Variants in INSR observed in about 807,000 individuals in gnomAD.
INSR encodes the protein insulin receptor, also known as IR.
INSR carries 67 observed loss-of-function variants against 142.6 expected under a neutral mutation model. The observed-to-expected ratio is 0.47, with a 90% CI of 0.39 to 0.58. The LOEUF (loss-of-function observed/expected upper bound fraction) is 0.58, where lower values mean the gene tolerates loss of function less well. Ranked by LOEUF, INSR falls within the 20% of genes least tolerant of loss-of-function variation. INSR has a pLI of 0.00. For missense variants in INSR, 1,248 were observed against 1,833.2 expected (o/e 0.68, Z 5.83); for synonymous variants, 756 against 743.1 (o/e 1.02, Z -0.28).
At chr19:7,222,068 C>G (rs1975638724) in intron 2 of INSR, among the ~76,000 whole-genome samples, 1 of 146,524 alleles carries the variant, frequency 6.8e-6, no homozygotes, top group Non-Finnish European at 1.5e-5. Flanking sequence ...TTGGGAAAGG[C>G]TAAGTCAGAG....
chr19:7,125,384 G>A lies in INSR; in HGVS notation c.3157C>T (p.Arg1053Cys), dbSNP rs185736681. The A allele has an allele frequency of 1.5e-5, 24 of 1,614,062 alleles. No homozygotes were observed. Among genetic ancestry groups the A allele is most frequent in the African/African-American group, 2.7e-5 (2 of 75,020 alleles). ...RDIIKGEAET[R>C]VAVKTVNESA... ...TCGTTGACCGTCTTCACCGCCACGC[G>A]GGTCTCTGCCTCACCCTTGATGATG... is the stretch of plus-strand genomic sequence containing the variant. Residue 1053 changes from arginine to cysteine, a missense_variant, in exon 17 of 22, where the codon CGC becomes TGC. By Grantham distance (180) the Arg-to-Cys change is radical. Transcript: ENST00000302850. This position sits in a 1 kb window ranked among gnomAD's most constrained non-coding sequence, Gnocchi z 4.9.
chr19:7,151,636 G>A (rs943243678), intron 10 of INSR, among the ~76,000 whole-genome samples: 4 of 151,140 alleles, frequency 2.6e-5, no homozygotes, highest in East Asian at 1.9e-4. Context: ...AGCCTTGGCT[G>A]TCCCCCTGAA....
At chr19:7,292,329 A>G (rs1221062068) in intron 1 of INSR, among the ~76,000 whole-genome samples, 1 of 151,968 alleles carries the variant, frequency 6.6e-6, no homozygotes, top group Non-Finnish European at 1.5e-5. Flanking sequence ...TGACCTCGTG[A>G]TCCGCCCGCC....
At chr19:7,194,847 G>A (rs573634228) in intron 2 of INSR, among the ~76,000 whole-genome samples, 38 of 152,124 alleles carry the variant, frequency 2.5e-4, no homozygotes, top group South Asian at 2.5e-3. Context: ...CAAATTGTTA[G>A]CATTTCTCTT....
Position 7,267,912 on chromosome 19 carries a change from A to G in INSR, c.101-16T>C. ...CCGGGACACACTACAAGAGAAAATG[A>G]ACAGAAAGCAAGACAGGTGAGCAGA... is the stretch of plus-strand genomic sequence containing the variant. On this transcript the variant is annotated splice_polypyrimidine_tract_variant and intron_variant, in intron 1 of 21. Coordinates refer to ENST00000302850, the MANE Select transcript of INSR (RefSeq NM_000208.4). This position sits in a 1 kb window ranked among gnomAD's most constrained non-coding sequence, Gnocchi z 6.3. 3 of 1,609,644 alleles carry G rather than the reference A, an allele frequency of 1.9e-6. No individual in the cohort carries two copies. Among genetic ancestry groups the G allele is most frequent in the Non-Finnish European group, 2.5e-6 (3 of 1,177,310 alleles).
At chr19:7,195,919 T>TAGAC (rs1370305013) in intron 2 of INSR, among the ~76,000 whole-genome samples, 13 of 90,644 alleles carry the variant, frequency 1.4e-4, no homozygotes, top group African/African-American at 5.8e-4. Context: ...GAGAACTTTC[T>TAGAC]TTCTTTTCTT....
chr19:7,237,642 C>G (rs949891277), intron 2 of INSR, among the ~76,000 whole-genome samples: 5 of 151,890 alleles, frequency 3.3e-5, no homozygotes, highest in African/African-American at 1.2e-4. Context: ...GGTGAAATCC[C>G]GTCTCTATTT....
At chr19:7,281,308 C>A (rs1253480393) in intron 1 of INSR, among the ~76,000 whole-genome samples, 1 of 150,606 alleles carries the variant, frequency 6.6e-6, no homozygotes, top group Non-Finnish European at 1.5e-5. Flanking sequence ...CAAGATACAT[C>A]CTTGAGAGTA....
chr19:7,191,821 C>T (rs1387595776), intron 2 of INSR, among the ~76,000 whole-genome samples: 2 of 144,082 alleles, frequency 1.4e-5, no homozygotes, highest in Non-Finnish European at 3.0e-5. Context: ...AAAGCAAGAC[C>T]CTATCTTTAA....
intron 2 of INSR, among the ~76,000 whole-genome samples, chr19:7,257,403 C>T (rs552218539): frequency 6.4e-4 from 97 of 151,454 alleles, no homozygotes; most frequent in African/African-American, 2.3e-3. Context: ...GCTCCAAACA[C>T]GTCTAGAAGC....
chr19:7,174,524 C>T, intron 4 of INSR, 59 bp downstream of exon 4: 1 of 1,599,734 alleles, frequency 6.3e-7, no homozygotes, highest in African/African-American at 1.3e-5. Context: ...TCCCCGCTCA[C>T]AGCTCAGAGG....
At chr19:7,172,211 C>CA (rs869171538) in intron 5 of INSR, 79 bp downstream of exon 5, 3 of 1,558,810 alleles carry the variant, frequency 1.9e-6, no homozygotes, top group Non-Finnish European at 2.6e-6. Flanking sequence ...CACACCTGGC[C>CA]AAAAAAATCC....
At chr19:7,277,050 G>A (rs1259514868) in intron 1 of INSR, among the ~76,000 whole-genome samples, 1 of 152,044 alleles carries the variant, frequency 6.6e-6, no homozygotes, top group African/African-American at 2.4e-5. Flanking sequence ...TTTAAATGAT[G>A]ACAACAGCAT....
At chr19:7,128,251 C>T (rs1337532478) in intron 15 of INSR, among the ~76,000 whole-genome samples, 2 of 149,910 alleles carry the variant, frequency 1.3e-5, no homozygotes, top group Non-Finnish European at 3.0e-5. Flanking sequence ...CTCCCTCTGT[C>T]GCCCAGGCTA....
intron 2 of INSR, among the ~76,000 whole-genome samples, chr19:7,243,434 CG>C (rs1976431602): frequency 6.6e-6 from 1 of 151,260 alleles, no homozygotes; most frequent in Non-Finnish European, 1.5e-5. Flanking sequence ...TTAGTAGAGA[CG>C]GGGTTTCACC....
intron 2 of INSR, among the ~76,000 whole-genome samples, chr19:7,254,752 T>A (rs1021472664): frequency 1.3e-5 from 2 of 152,074 alleles, no homozygotes; most frequent in African/African-American, 4.8e-5. Flanking sequence ...CCTTGGGTCC[T>A]CCCCGGGGCA....
intron 13 of INSR, among the ~76,000 whole-genome samples, chr19:7,136,805 G>A (rs925927889): frequency 3.8e-5 from 5 of 130,336 alleles, no homozygotes; most frequent in African/African-American, 1.6e-4. Context: ...AAAAAGTGAT[G>A]TAAAACTTTA....
In INSR at chr19:7,166,032, T is replaced by TAA. The variant is rs57156578; in HGVS notation, c.1861+120_1861+121dup. On this transcript the variant is annotated intron_variant, in intron 8 of 21. Coordinates refer to ENST00000302850, the MANE Select transcript of INSR (RefSeq NM_000208.4). This position sits in a 1 kb window ranked among gnomAD's most constrained non-coding sequence, Gnocchi z 4.1. The stretch of plus-strand genomic sequence containing the variant: ...CTGGGTGACAAAGTAAGACCCTGTC[T>TAA]AAAAAAAAAAAAAAAGCCAATAACC... The TAA allele has an allele frequency of 9.3e-3, 8,980 of 963,822 alleles. 13 individuals carry two copies. The highest frequency in any genetic ancestry group is 0.011 in the Non-Finnish European group (7,215 of 656,386). The allele number at this position is 963,822 out of a possible 1,614,324, so 59.7% of individuals were successfully genotyped here. A position where few individuals can be genotyped will look rare whatever the true frequency, so the allele number is the denominator to read the frequency against.
intron 2 of INSR, among the ~76,000 whole-genome samples, chr19:7,201,435 G>A (rs2145046556): frequency 6.6e-6 from 1 of 151,980 alleles, no homozygotes; most frequent in African/African-American, 2.4e-5. Context: ...GACCAGCCTG[G>A]CCAACAGGGT....
Sources: gnomAD v4.1 joint callset for allele counts (sites outside exome capture counted in the v4.1 genomes callset) on GRCh38, gnomAD v4.1.1 for gene constraint, Gnocchi (gnomAD v3.1) non-coding constraint, MANE v1.5 for transcripts, NCBI Gene and HGNC (gene_info 2026-07-23, HGNC 2026-07-21) for gene names.